Variants in MTRES1 observed in about 807,000 individuals in gnomAD.
The protein encoded by MTRES1 is mitochondrial transcription rescue factor 1, also known as uncharacterized protein C6orf203.
Under a neutral mutation model 17.4 loss-of-function variants are expected in MTRES1, and 11 were observed. The ratio of observed to expected loss-of-function variants is 0.63; its 90% CI spans 0.40 to 1.05. MTRES1 has a LOEUF of 1.05. Among genes scored for constraint, MTRES1 ranks in the 50% least tolerant of loss-of-function variants. The pLI is 0.00. For missense variants in MTRES1, 268 were observed against 276.2 expected, an observed-to-expected ratio of 0.97 and a Z score of 0.21; for synonymous variants, 94 against 99.6, an observed-to-expected ratio of 0.94 and a Z score of 0.34.
chr6:107,032,953 GCAGT>G (rs1489925252), intron 1 of MTRES1, among the ~76,000 whole-genome samples: 1 of 152,146 alleles, frequency 6.6e-6, no homozygotes, highest in Non-Finnish European at 1.5e-5. Flanking sequence ...CTGTGCCCTG[GCAGT>G]CAGTTTACTT....
intron 1 of MTRES1, among the ~76,000 whole-genome samples, chr6:107,035,705 A>G (rs547231863): frequency 7.2e-5 from 11 of 152,058 alleles, no homozygotes; most frequent in South Asian, 2.1e-4. Flanking sequence ...CTGGAGTGCA[A>G]TGGCACAATC....
At chr6:107,028,762 C>CT (rs144920055) in intron 1 of MTRES1, 102,448 of 423,304 alleles carry the variant, frequency 0.24, 13,330 homozygotes, top group Middle Eastern at 0.33. Flanking sequence ...GTCAGCGCTG[C>CT]TTTTTTTACA....
At chr6:107,042,548 G>A (rs567806372) in intron 2 of MTRES1, among the ~76,000 whole-genome samples, 3 of 152,152 alleles carry the variant, frequency 2.0e-5, no homozygotes, top group East Asian at 1.9e-4. Context: ...AAAAAAAGGT[G>A]TACTGATTTT....
intron 1 of MTRES1, among the ~76,000 whole-genome samples, chr6:107,037,679 AGTC>A (rs1262929939): frequency 6.6e-6 from 1 of 152,156 alleles, no homozygotes; most frequent in African/African-American, 2.4e-5. Context: ...GGTAGTTTCT[AGTC>A]ATTATTTTAG....
intron 1 of MTRES1, among the ~76,000 whole-genome samples, chr6:107,034,479 A>G (rs1228967428): frequency 2.6e-5 from 4 of 152,104 alleles, no homozygotes; most frequent in Non-Finnish European, 5.9e-5. Context: ...AGGAAAATAG[A>G]TGTCAGGGTG....
chr6:107,038,271 A>G (rs1774076680), intron 1 of MTRES1, among the ~76,000 whole-genome samples: 1 of 152,186 alleles, frequency 6.6e-6, no homozygotes, highest in Non-Finnish European at 1.5e-5. Flanking sequence ...CAATCTAGGC[A>G]CAAAGGAAAG....
At chr6:107,044,204 C>T in intron 2 of MTRES1, 56 bp from the exon 3 acceptor site, 1 of 1,253,298 alleles carries the variant, frequency 8.0e-7, no homozygotes, top group South Asian at 1.2e-5. Flanking sequence ...GAAGTCTGGG[C>T]TTGAGTGTAC....
intron 2 of MTRES1, among the ~76,000 whole-genome samples, chr6:107,041,588 C>G (rs530639638): frequency 6.6e-6 from 1 of 152,028 alleles, no homozygotes; most frequent in Admixed American, 6.5e-5. Context: ...TGCCATGGCA[C>G]GATCTCGGCT....
At chr6:107,028,326 C>T (rs1251211705) in intron 1 of MTRES1, 55 bp downstream of exon 1, 1 of 152,396 alleles carries the variant, frequency 6.6e-6, no homozygotes, top group Non-Finnish European at 1.5e-5. Flanking sequence ...CGCCCCCTGT[C>T]ACTTCGCCTC....
intron 1 of MTRES1, among the ~76,000 whole-genome samples, chr6:107,039,054 C>CA (rs1451997443): frequency 2.0e-5 from 3 of 151,422 alleles, no homozygotes; most frequent in Non-Finnish European, 2.9e-5. Flanking sequence ...AACTCCATCT[C>CA]AAAAAAAATA....
Position 107,039,859 on chromosome 6 carries a change from C to T in MTRES1, c.99C>T (p.Tyr33=), listed in dbSNP as rs1257513276. 3 of 1,614,154 alleles carry T rather than the reference C, an allele frequency of 1.9e-6. No individual in the cohort carries two copies. The highest frequency in any genetic ancestry group is 1.7e-4 in the Middle Eastern group (1 of 6,060). The change falls in exon 2 of 4, where the codon TAC becomes TAT. Residue 33 remains tyrosine, a synonymous_variant. Transcript: ENST00000311381. ...TTCTCCGAGGGACACCTTCATCATA[C>T]AAACTCTGTACTTCCTGGAATCGAT... ...WGVLRGTPSS[Y]KLCTSWNRYL...
intron 1 of MTRES1, among the ~76,000 whole-genome samples, 156 bp from the exon 2 acceptor site, chr6:107,039,593 T>G (rs1774120128): frequency 6.6e-6 from 1 of 152,172 alleles, no homozygotes; most frequent in Non-Finnish European, 1.5e-5. Flanking sequence ...GTGCTGAGAT[T>G]ACAGGCGTGA....
rs370611649 is a variant in MTRES1 at position 107,040,188 on chromosome 6, G to A, written c.428G>A (p.Arg143Gln). ...KDLEKAVQSF[R>Q]YDVVLKTGLD... Reference sequence around the variant, plus strand: ...CTGGAAAAAGCAGTTCAGTCTTTTCGGTATGATGTTGTCCTGAAGACGGGG... The same window carrying A: ...CTGGAAAAAGCAGTTCAGTCTTTTCAGTATGATGTTGTCCTGAAGACGGGG... Residue 143 changes from arginine (R) to glutamine (Q), a missense_variant, in exon 2 of 4, where the codon CGG (arginine) becomes CAG (glutamine). By Grantham distance (43) the Arg-to-Gln change is conservative. Coordinates refer to ENST00000311381, the MANE Select transcript of MTRES1 (RefSeq NM_016487.5). The A allele has an allele frequency of 7.5e-6, 12 of 1,608,358 alleles. No homozygotes were observed. The highest frequency in any genetic ancestry group is 1.3e-5 in the African/African-American group (1 of 74,526).
At chr6:107,030,005 C>G in intron 1 of MTRES1, 1 of 645,896 alleles carries the variant, frequency 1.5e-6, no homozygotes, top group South Asian at 1.7e-5. Flanking sequence ...TTTTTTTTGT[C>G]TACCTGTTTC....
Position 107,051,542 on chromosome 6 carries a change from A to ACTAC in MTRES1, c.*309_*312dup, listed in dbSNP as rs1458468225. ...GGCTTGCCTGCTGTTTCCCACATAA[A>ACTAC]CTACCTCAGGAGTCACTGTAAAATA... On this transcript the variant is annotated 3_prime_UTR_variant, in exon 4 of 4. Transcript: ENST00000311381. Among the ~76,000 whole-genome samples, 1 of 152,292 alleles carries ACTAC rather than the reference A, an allele frequency of 6.6e-6. No homozygotes were observed. Among genetic ancestry groups the ACTAC allele is most frequent in the East Asian group, 1.9e-4 (1 of 5,188 alleles).
At chr6:107,045,900 G>T (rs567768563) in intron 3 of MTRES1, among the ~76,000 whole-genome samples, 1 of 152,310 alleles carries the variant, frequency 6.6e-6, no homozygotes, top group Non-Finnish European at 1.5e-5. Context: ...AACTACATCC[G>T]GTTGCCCTAG....
chr6:107,046,933 TGTGTGTGTGTG>T (rs370227175), intron 3 of MTRES1, among the ~76,000 whole-genome samples: 42,234 of 146,756 alleles, frequency 0.29, 6,431 homozygotes, highest in Admixed American at 0.34. Context: ...TTCATTCTTG[TGTGTGTGTGTG>T]TGTGTGTGTG....
chr6:107,049,635 G>A (rs142202721), intron 3 of MTRES1, among the ~76,000 whole-genome samples: 2,868 of 151,066 alleles, frequency 0.019, 95 homozygotes, highest in African/African-American at 0.066. Context: ...GGATGGTCTC[G>A]ATCTCCTGAC....
intron 1 of MTRES1, among the ~76,000 whole-genome samples, chr6:107,033,659 A>G (rs1032628789): frequency 6.6e-6 from 1 of 152,054 alleles, no homozygotes; most frequent in Non-Finnish European, 1.5e-5. Flanking sequence ...TCTACCAAAG[A>G]TACAAAAAAT....
Sources: gnomAD v4.1 joint callset for allele counts (sites outside exome capture counted in the v4.1 genomes callset) on GRCh38, gnomAD v4.1.1 for gene constraint, MANE v1.5 for transcripts, NCBI Gene and HGNC (gene_info 2026-07-23, HGNC 2026-07-21) for gene names.